The following HMBOX1 variants were observed in gnomAD, a reference collection of about 807,000 sequenced individuals.
HMBOX1 encodes the protein homeobox containing 1, also known as homeobox-containing protein 1.
Under a neutral mutation model 54.5 loss-of-function variants are expected in HMBOX1, and 14 were observed. The observed-to-expected ratio is 0.26, with a 90% confidence interval of 0.17 to 0.40. HMBOX1 has a LOEUF of 0.40. Among genes scored for constraint, HMBOX1 ranks in the 10% least tolerant of loss-of-function variants. The pLI is 1.00. For synonymous variants in HMBOX1, 160 were observed against 181.0 expected, an observed-to-expected ratio of 0.88 and a Z score of 0.93; for missense variants, 332 against 514.4, an observed-to-expected ratio of 0.65 and a Z score of 3.43.
chr8:29,048,979 G>C lies in HMBOX1; in HGVS notation c.1056G>C (p.Gly352=). 1 of 1,613,572 alleles carries C rather than the reference G, an allele frequency of 6.2e-7. No individual in the cohort carries two copies. Among genetic ancestry groups the C allele is most frequent in the Non-Finnish European group, 8.5e-7 (1 of 1,179,630 alleles). ...NIEAAILESH[G]IDVQSPGGHS... is the part of the protein sequence containing the mutation. ...AAGCAGCAATCCTGGAGAGTCATGG[G>C]ATAGATGTGCAGAGTCCAGGAGGCC... Residue 352 remains glycine (G), a synonymous_variant, in exon 9 of 10, where the codon GGG becomes GGC. Transcript: ENST00000287701.
chr8:29,044,939 A>T (rs901582694), intron 6 of HMBOX1, among the ~76,000 whole-genome samples: 2 of 152,204 alleles, frequency 1.3e-5, no homozygotes, highest in Non-Finnish European at 2.9e-5. Flanking sequence ...AAAAAGTCCT[A>T]TTGTTACCAG....
chr8:28,976,709 CTT>C (rs749880362), intron 3 of HMBOX1, among the ~76,000 whole-genome samples: 4 of 135,774 alleles, frequency 2.9e-5, no homozygotes, highest in Non-Finnish European at 3.2e-5. Context: ...TCTTTTTTTT[CTT>C]TTTTTTTTTT....
intron 1 of HMBOX1, among the ~76,000 whole-genome samples, chr8:28,939,623 C>T (rs966589520): frequency 2.6e-5 from 4 of 152,028 alleles, no homozygotes; most frequent in African/African-American, 7.2e-5. Flanking sequence ...AATTCTCCTG[C>T]CTCAGCCTCC....
At chr8:29,016,713 C>A (rs1275763988) in intron 5 of HMBOX1, among the ~76,000 whole-genome samples, 1 of 152,220 alleles carries the variant, frequency 6.6e-6, no homozygotes, top group East Asian at 1.9e-4. Context: ...GGTCCCAGGT[C>A]CTCACTGCCT....
intron 1 of HMBOX1, among the ~76,000 whole-genome samples, chr8:28,952,807 G>C (rs1823722384): frequency 6.6e-6 from 1 of 152,104 alleles, no homozygotes; most frequent in Admixed American, 6.5e-5. Context: ...AATTCTTTTG[G>C]AATAAAAATA....
chr8:28,953,992 A>G (rs1290198014), intron 1 of HMBOX1, among the ~76,000 whole-genome samples: 1 of 152,134 alleles, frequency 6.6e-6, no homozygotes, highest in Non-Finnish European at 1.5e-5. Flanking sequence ...TAGCACTGAG[A>G]GTTTAGGGGA....
chr8:28,985,815 C>T (rs1381152024), intron 4 of HMBOX1, among the ~76,000 whole-genome samples: 1 of 152,112 alleles, frequency 6.6e-6, no homozygotes, highest in Admixed American at 6.5e-5. Context: ...ACAACAACAA[C>T]CACTTCATTT....
At chr8:28,971,086 CTTTTTTTTTTTTT>C (rs146543031) in intron 3 of HMBOX1, among the ~76,000 whole-genome samples, 1 of 83,214 alleles carries the variant, frequency 1.2e-5, no homozygotes, top group Non-Finnish European at 2.3e-5. Context: ...AAGAAATCTA[CTTTTTTTTTTTTT>C]TTTTTTTTTG....
chr8:29,020,107 A>T (rs1800945322), intron 6 of HMBOX1, among the ~76,000 whole-genome samples: 1 of 152,202 alleles, frequency 6.6e-6, no homozygotes. Context: ...TGGAGACCTG[A>T]CATTTACAAT....
intron 1 of HMBOX1, among the ~76,000 whole-genome samples, chr8:28,922,122 TG>T (rs1025225743): frequency 2.0e-5 from 3 of 152,190 alleles, no homozygotes; most frequent in African/African-American, 7.2e-5. Context: ...CAAAAATATA[TG>T]GGGAAGAAAA....
intron 6 of HMBOX1, among the ~76,000 whole-genome samples, chr8:29,040,906 C>T (rs2133300788): frequency 6.6e-6 from 1 of 152,018 alleles, no homozygotes; most frequent in Middle Eastern, 3.4e-3. Context: ...TTATGTATAC[C>T]ATGAATAATC....
intron 4 of HMBOX1, among the ~76,000 whole-genome samples, chr8:28,981,287 T>G (rs907027043): frequency 6.6e-6 from 1 of 152,220 alleles, no homozygotes; most frequent in Admixed American, 6.5e-5. Flanking sequence ...GGTAAAATAC[T>G]TTAGTTAAAG....
At chr8:28,994,013 C>T (rs755561291) in intron 4 of HMBOX1, among the ~76,000 whole-genome samples, 1 of 151,780 alleles carries the variant, frequency 6.6e-6, no homozygotes, top group African/African-American at 2.4e-5. Flanking sequence ...ACTAAAAATA[C>T]GAAGTTAGCC....
At position 29,052,008 on chromosome 8, in the gene HMBOX1, GCA is replaced by G; in HGVS notation, c.*856_*857del. The G allele has an allele frequency of 6.3e-6, 1 of 159,914 alleles. No individual in the cohort carries two copies. Among genetic ancestry groups the G allele is most frequent in the Non-Finnish European group, 1.4e-5 (1 of 72,896 alleles). The allele number at this position is 159,914 out of a possible 1,614,324, so 9.9% of individuals were successfully genotyped here. A position where few individuals can be genotyped will look rare whatever the true frequency, so the allele number is the denominator to read the frequency against. Reference sequence around the variant, plus strand: ...TTTCAGAACCACTGTACATTCCACGGCACAGTTAGCAGTGCCTGCCTGGAAAA... The same window carrying G: ...TTTCAGAACCACTGTACATTCCACGGCAGTTAGCAGTGCCTGCCTGGAAAA... On this transcript the variant is annotated 3_prime_UTR_variant, in exon 10 of 10. Coordinates refer to ENST00000287701, the MANE Select transcript of HMBOX1 (RefSeq NM_001135726.3).
At chr8:28,899,753 AT>A (rs1428193821) in intron 1 of HMBOX1, among the ~76,000 whole-genome samples, 4 of 152,172 alleles carry the variant, frequency 2.6e-5, no homozygotes, top group Non-Finnish European at 5.9e-5. Flanking sequence ...TCTTTATTAT[AT>A]TACCAAACCA....
At chr8:28,930,469 G>A (rs1037816597) in intron 1 of HMBOX1, among the ~76,000 whole-genome samples, 5 of 151,760 alleles carry the variant, frequency 3.3e-5, no homozygotes, top group African/African-American at 2.4e-5. Context: ...TTATAACCTG[G>A]TATTCAAGGC....
chr8:28,917,779 T>G (rs1403684106), intron 1 of HMBOX1, among the ~76,000 whole-genome samples: 3 of 152,220 alleles, frequency 2.0e-5, no homozygotes, highest in Non-Finnish European at 4.4e-5. Flanking sequence ...TATCAAGTGC[T>G]TTTTCTTCAT....
At chr8:29,050,792 AT>A (rs992492171) in intron 9 of HMBOX1, 5 of 525,492 alleles carry the variant, frequency 9.5e-6, no homozygotes, top group Admixed American at 3.6e-5. Flanking sequence ...GATGAAAAAC[AT>A]TTTTTGTGCT....
intron 4 of HMBOX1, among the ~76,000 whole-genome samples, chr8:28,986,120 G>A (rs965341450): frequency 7.9e-5 from 12 of 152,064 alleles, no homozygotes; most frequent in Non-Finnish European, 1.5e-4. Flanking sequence ...CCTTTTTATG[G>A]TTTCCCTAGT....
Sources: allele counts gnomAD v4.1 joint callset (sites outside exome capture counted in the v4.1 genomes callset), GRCh38; gene constraint gnomAD v4.1.1; transcripts MANE v1.5; gene names NCBI Gene and HGNC (gene_info 2026-07-23, HGNC 2026-07-21).